The following ARIH1 variants were observed in gnomAD, a reference collection of about 807,000 sequenced individuals.
ARIH1 encodes the protein ariadne RBR E3 ubiquitin protein ligase 1.
Under a neutral mutation model 85.0 loss-of-function variants are expected in ARIH1, and 8 were observed. The observed-to-expected ratio is 0.09, with a 90% confidence interval of 0.06 to 0.17. The LOEUF (loss-of-function observed/expected upper bound fraction) is 0.17, where lower values mean the gene tolerates loss of function less well. Ranked by LOEUF, ARIH1 falls within the 10% of genes least tolerant of loss-of-function variation. The pLI, the probability that ARIH1 is intolerant of heterozygous loss-of-function variation, is 1.00. For missense variants in ARIH1, 311 were observed against 718.1 expected (o/e 0.43, Z 6.48); for synonymous variants, 238 against 253.6 (o/e 0.94, Z 0.59).
At chr15:72,500,529 T>C (rs72735160) in intron 1 of ARIH1, among the ~76,000 whole-genome samples, 7,570 of 152,300 alleles carry the variant, frequency 0.05, 262 homozygotes, top group African/African-American at 0.098. Flanking sequence ...CTTTGGGGAA[T>C]TAACTTCTGT....
rs1595879052 is a variant in ARIH1 at position 72,597,123 on chromosome 15, A to G, written c.*13831A>G. On this transcript the variant is annotated 3_prime_UTR_variant, in exon 14 of 14. Coordinates refer to ENST00000379887, the MANE Select transcript of ARIH1 (RefSeq NM_005744.5). ...TGGACGTTTTATGTTGAAAAAAAAA[A>G]GAAATTGAAGAAAATGTTTACTTCC... is the stretch of plus-strand genomic sequence containing the variant. 6.7e-6 allele frequency: 1 copy of G among 150,020 alleles called. No individual in the cohort carries two copies. The highest frequency in any genetic ancestry group is 2.4e-5 in the African/African-American group (1 of 40,848). The allele number at this position is 150,020 out of a possible 1,614,324, so 9.3% of individuals were successfully genotyped here.
intron 3 of ARIH1, among the ~76,000 whole-genome samples, chr15:72,551,654 G>A (rs145043008): frequency 6.6e-6 from 1 of 152,196 alleles, no homozygotes; most frequent in Non-Finnish European, 1.5e-5. Context: ...AAATTTAAAC[G>A]GTGATAAGTT....
In ARIH1 at chr15:72,601,493, C is replaced by G. The variant is rs1208253483; in HGVS notation, c.*18201C>G. On this transcript the variant is annotated 3_prime_UTR_variant, in exon 14 of 14. Coordinates refer to ENST00000379887, the MANE Select transcript of ARIH1 (RefSeq NM_005744.5). ...GGCTGAGATTCTTCCATCCTCAGGG[C>G]CTTTGCACAAGTTCTTCCTTTGCCT... 2 of 152,222 alleles carry G rather than the reference C, an allele frequency of 1.3e-5. No homozygotes were observed. Among genetic ancestry groups the G allele is most frequent in the African/African-American group, 4.8e-5 (2 of 41,432 alleles). The allele number at this position is 152,222 out of a possible 1,614,324, so 9.4% of individuals were successfully genotyped here. A position where few individuals can be genotyped will look rare whatever the true frequency, so the allele number is the denominator to read the frequency against.
At chr15:72,555,792 TG>T in intron 4 of ARIH1, 59 bp from the exon 5 acceptor site, 1 of 1,429,318 alleles carries the variant, frequency 7.0e-7, no homozygotes. Flanking sequence ...TGCCTGGCGA[TG>T]GTAAGCATTC....
At position 72,510,631 on chromosome 15, in the gene ARIH1, G is replaced by A. The variant is rs796110769; in HGVS notation, c.376-7436G>A. On this transcript the variant is annotated intron_variant, in intron 1 of 13. Coordinates refer to ENST00000379887, the MANE Select transcript of ARIH1 (RefSeq NM_005744.5). ...GGGCGCCTGTATTCCCAGCTACTGG[G>A]GAGGCTGAGGCAGCAGAATGATGTG... 5.6e-4 allele frequency among the ~76,000 whole-genome samples: 84 copies of A among 149,814 alleles called. 1 individual carries two copies. Among genetic ancestry groups the A allele is most frequent in the Middle Eastern group, 3.5e-3 (1 of 288 alleles).
intron 1 of ARIH1, among the ~76,000 whole-genome samples, chr15:72,514,356 TAGTGAGCCGGTCC>T (rs1291659738): frequency 6.6e-6 from 1 of 152,188 alleles, no homozygotes; most frequent in African/African-American, 2.4e-5. Flanking sequence ...TTCTTTCTGA[TAGTGAGCCGGTCC>T]AGTGAGTGAG....
chr15:72,564,472 ACCAGAATTAC>A (rs1039203088), intron 7 of ARIH1, among the ~76,000 whole-genome samples: 4 of 152,138 alleles, frequency 2.6e-5, no homozygotes, highest in African/African-American at 9.7e-5. Context: ...CTGAATCCTC[ACCAGAATTAC>A]CCTTAACAAT....
At position 72,544,612 on chromosome 15, in the gene ARIH1, A is replaced by AAT. The variant is rs111299421; in HGVS notation, c.444-195_444-194dup. Reference sequence around the variant, plus strand: ...AGTAGACTGAATTTTTGCTGTTTGCAATATATATATATATGCACATGTATA... The same window carrying AAT: ...AGTAGACTGAATTTTTGCTGTTTGCAATATATATATATATATGCACATGTATA... On this transcript the variant is annotated intron_variant, in intron 2 of 13. Transcript: ENST00000379887. Among the ~76,000 whole-genome samples, 176 of 149,908 alleles carry AAT rather than the reference A, an allele frequency of 1.2e-3. 1 individual carries two copies. Among genetic ancestry groups the AAT allele is most frequent in the African/African-American group, 3.2e-3 (129 of 40,350 alleles).
In ARIH1 at chr15:72,474,818, G is replaced by C; in HGVS notation, c.179G>C (p.Gly60Ala). The change falls in exon 1 of 14, where the codon GGA becomes GCA. Residue 60 changes from glycine (G) to alanine (A), a missense_variant. Coordinates refer to ENST00000379887, the MANE Select transcript of ARIH1 (RefSeq NM_005744.5). ...CTGGGCGTCGGCGGGGAGCGGGACG[G>C]ACTGCTGTGCGGGGAGACGGGCGGT... is the stretch of plus-strand genomic sequence containing the variant. Reference protein sequence around the residue: ...PGLGVGGERDGLLCGETGGGG... With the variant: ...PGLGVGGERDALLCGETGGGG... 1 of 1,467,320 alleles carries C rather than the reference G, an allele frequency of 6.8e-7. No individual in the cohort carries two copies. Among genetic ancestry groups the C allele is most frequent in the Non-Finnish European group, 9.0e-7 (1 of 1,106,202 alleles). The allele number at this position is 1,467,320 out of a possible 1,614,324, so 90.9% of individuals were successfully genotyped here.
Position 72,589,775 on chromosome 15 carries a change from T to G in ARIH1, c.*6483T>G, listed in dbSNP as rs1320867927. 2 of 152,230 alleles carry G rather than the reference T, an allele frequency of 1.3e-5. No individual in the cohort carries two copies. The highest frequency in any genetic ancestry group is 4.8e-5 in the African/African-American group (2 of 41,454). 9.4% of individuals were successfully genotyped at this position (152,230 alleles called of 1,614,324 possible). On this transcript the variant is annotated 3_prime_UTR_variant, in exon 14 of 14. Coordinates refer to ENST00000379887, the MANE Select transcript of ARIH1 (RefSeq NM_005744.5). The stretch of plus-strand genomic sequence containing the variant: ...TAATGAATTGGTATATGGTAGATAC[T>G]CGTGGCTACTTAGTATTTACCAAAT...
intron 10 of ARIH1, 49 bp downstream of exon 10, chr15:72,570,356 A>G (rs1279921136): frequency 6.2e-7 from 1 of 1,605,592 alleles, no homozygotes; most frequent in South Asian, 1.1e-5. Flanking sequence ...AGTATGTGCC[A>G]TGTATTATGA....
chr15:72,555,964 T>G (rs927657031), intron 5 of ARIH1, 57 bp downstream of exon 5: 4 of 1,450,376 alleles, frequency 2.8e-6, no homozygotes, highest in Middle Eastern at 1.9e-4. Flanking sequence ...TAAACCAAAT[T>G]AATTTTTACT....
At chr15:72,551,878 T>C (rs1339267908) in intron 3 of ARIH1, among the ~76,000 whole-genome samples, 1 of 152,192 alleles carries the variant, frequency 6.6e-6, no homozygotes, top group East Asian at 1.9e-4. Context: ...TTTTGAAATA[T>C]TATAATTTCA....
chr15:72,503,637 A>G (rs1392014519), intron 1 of ARIH1, among the ~76,000 whole-genome samples: 1 of 152,150 alleles, frequency 6.6e-6, no homozygotes, highest in Non-Finnish European at 1.5e-5. Flanking sequence ...CCAAATACTG[A>G]TTGATCAAAG....
chr15:72,535,472 A>G (rs960250321), intron 2 of ARIH1, among the ~76,000 whole-genome samples: 1 of 152,226 alleles, frequency 6.6e-6, no homozygotes, highest in African/African-American at 2.4e-5. Flanking sequence ...GTTAAATGGA[A>G]CTTAATTATA....
intron 11 of ARIH1, among the ~76,000 whole-genome samples, chr15:72,577,010 T>C (rs1234674784): frequency 6.6e-6 from 1 of 151,412 alleles, no homozygotes; most frequent in African/African-American, 2.4e-5. Flanking sequence ...TGAGACGGAG[T>C]TTGCTCTTGT....
intron 1 of ARIH1, among the ~76,000 whole-genome samples, chr15:72,492,902 G>T (rs2063865161): frequency 2.0e-5 from 3 of 152,140 alleles, no homozygotes; most frequent in African/African-American, 7.2e-5. Context: ...TTTAAGGATG[G>T]CAGTAAGCTT....
rs2064311800 is a variant in ARIH1, at chr15:72,585,418, TAAAG to T, written c.*2131_*2134del. On this transcript the variant is annotated 3_prime_UTR_variant, in exon 14 of 14. Transcript: ENST00000379887. ...ATACATTAAAACTAAGGAGTTTTTTTAAAGAAAGCCTGAATAAGTTCCTTTCCCT... is the reference window on the plus strand; with the variant it reads ...ATACATTAAAACTAAGGAGTTTTTTTAAAGCCTGAATAAGTTCCTTTCCCT... 1 of 152,160 alleles carries T rather than the reference TAAAG, an allele frequency of 6.6e-6. No individual in the cohort carries two copies. Among genetic ancestry groups the T allele is most frequent in the Admixed American group, 6.6e-5 (1 of 15,264 alleles). 9.4% of individuals were successfully genotyped at this position (152,160 alleles called of 1,614,324 possible). A position where few individuals can be genotyped will look rare whatever the true frequency, so the allele number is the denominator to read the frequency against.
intron 1 of ARIH1, among the ~76,000 whole-genome samples, chr15:72,494,261 TATAA>T (rs1403899058): frequency 2.0e-5 from 3 of 152,228 alleles, no homozygotes; most frequent in East Asian, 1.9e-4. Flanking sequence ...AGAAATAATG[TATAA>T]ATAAATTATA....
Sources: allele counts gnomAD v4.1 joint callset (sites outside exome capture counted in the v4.1 genomes callset), GRCh38; gene constraint gnomAD v4.1.1; transcripts MANE v1.5; gene names NCBI Gene and HGNC (gene_info 2026-07-23, HGNC 2026-07-21).